The following POLD1 variants were observed in gnomAD, a reference collection of about 807,000 sequenced individuals.
POLD1 encodes the protein DNA polymerase delta catalytic subunit.
A neutral mutation model predicts 129.7 loss-of-function variants in POLD1; 79 were observed. The observed-to-expected ratio is 0.61, with a 90% CI of 0.51 to 0.73. POLD1 has a LOEUF of 0.73. POLD1 is among the 30% of genes least tolerant of loss of function. The pLI, the probability that POLD1 is intolerant of heterozygous loss-of-function variation, is 0.00. For missense variants in POLD1, 1,338 were observed against 1,595.8 expected (o/e 0.84, Z 2.75); for synonymous variants, 714 against 683.3 (o/e 1.04, Z -0.70).
intron 1 of POLD1, among the ~76,000 whole-genome samples, chr19:50,391,287 A>C (rs955786089): frequency 2.0e-5 from 3 of 152,116 alleles, no homozygotes; most frequent in African/African-American, 7.2e-5. Context: ...CTCACTTCCC[A>C]GACGGGGTGG....
Position 50,401,856 on chromosome 19 carries a change from ATGAGGGGTTCTCTGTCTGC to A in POLD1, c.398_416del (p.Glu133AlafsTer30). The A allele has an allele frequency of 6.2e-7, 1 of 1,613,912 alleles. No homozygotes were observed. On this transcript the variant is annotated frameshift_variant, in exon 4 of 27. Transcript: ENST00000440232. LOFTEE classifies it high-confidence loss of function. ...GTGCTCCGCGCCTTCGGGGTCACCG[ATGAGGGGTTCTCTGTCTGC>A]TGCCACATCCACGGCTTCGCTCCCT...
At chr19:50,388,281 C>T (rs2038036358) in intron 1 of POLD1, among the ~76,000 whole-genome samples, 1 of 152,106 alleles carries the variant, frequency 6.6e-6, no homozygotes, top group Non-Finnish European at 1.5e-5. Flanking sequence ...TACTAAATAC[C>T]ATTGAACTAT....
chr19:50,402,167 G>A (rs1166029659), intron 5 of POLD1, 38 bp from the exon 6 acceptor site: 16 of 1,590,796 alleles, frequency 1.0e-5, no homozygotes, highest in Non-Finnish European at 1.4e-5. Flanking sequence ...GGTCCCCTCG[G>A]GAGGCCATTG....
chr19:50,407,603 G>A (rs2038944070), intron 14 of POLD1, among the ~76,000 whole-genome samples, 188 bp downstream of exon 14: 1 of 151,378 alleles, frequency 6.6e-6, no homozygotes, highest in African/African-American at 2.4e-5. Flanking sequence ...CTGTCACCCA[G>A]GCTGGAGTGC....
chr19:50,412,053 G>A (rs1374426235), intron 17 of POLD1, among the ~76,000 whole-genome samples: 1 of 152,196 alleles, frequency 6.6e-6, no homozygotes, highest in Non-Finnish European at 1.5e-5. Context: ...AGGCTGAGAC[G>A]GGAAGATGGC....
Position 50,406,394 on chromosome 19 carries a change from C to A in POLD1, c.1384-13C>A, listed in dbSNP as rs536467012. ...CCCAGGCCCGCAGCCCACCAGCCCA[C>A]CCACCCACCTAGGTGCTGCTGCGGG... On this transcript the variant is annotated splice_polypyrimidine_tract_variant and intron_variant, in intron 11 of 26. Coordinates refer to ENST00000440232, the MANE Select transcript of POLD1 (RefSeq NM_002691.4). This position sits in a 1 kb window ranked among gnomAD's most constrained non-coding sequence, Gnocchi z 5.5. 1 of 1,606,896 alleles carries A rather than the reference C, an allele frequency of 6.2e-7. No individual in the cohort carries two copies. The highest frequency in any genetic ancestry group is 8.5e-7 in the Non-Finnish European group (1 of 1,176,302).
At chr19:50,405,410 C>G (rs1222596934) in intron 10 of POLD1, among the ~76,000 whole-genome samples, 1 of 152,168 alleles carries the variant, frequency 6.6e-6, no homozygotes. Context: ...CTGCTTTTCT[C>G]TATGTCTGGC....
At position 50,406,790 on chromosome 19, in the gene POLD1, T is replaced by C. The variant is rs998791423; in HGVS notation, c.1495-193T>C. The stretch of plus-strand genomic sequence containing the variant: ...TCAGGCTGCTCCCTCCTCCTCCCTC[T>C]GGCCCTGTGGACTCCCTGGCCCCCA... On this transcript the variant is annotated intron_variant, in intron 12 of 26. Transcript: ENST00000440232. This position sits in a 1 kb window ranked among gnomAD's most constrained non-coding sequence, Gnocchi z 5.5. Among the ~76,000 whole-genome samples the C allele has an allele frequency of 2.0e-5, 3 of 152,010 alleles. No individual in the cohort carries two copies. The highest frequency in any genetic ancestry group is 7.3e-5 in the African/African-American group (3 of 41,374).
rs1339832896 is a variant in POLD1, at chr19:50,406,116, C to T, written c.1243-66C>T. ...TAAGGATGTTGTGGTTGGTCTCAATCTCCGTTCTTCAGGCTTATGTGACGG... is the reference window on the plus strand; with the variant it reads ...TAAGGATGTTGTGGTTGGTCTCAATTTCCGTTCTTCAGGCTTATGTGACGG... On this transcript the variant is annotated intron_variant, in intron 10 of 26. Transcript: ENST00000440232. This position sits in a 1 kb window ranked among gnomAD's most constrained non-coding sequence, Gnocchi z 5.5. 3 of 1,567,608 alleles carry T rather than the reference C, an allele frequency of 1.9e-6. No individual in the cohort carries two copies. The highest frequency in any genetic ancestry group is 1.3e-5 in the African/African-American group (1 of 74,312).
intron 3 of POLD1, 119 bp downstream of exon 3, chr19:50,399,603 C>A (rs2038508857): frequency 1.4e-6 from 1 of 703,780 alleles, no homozygotes; most frequent in African/African-American, 1.8e-5. Context: ...GTCAGCCCCT[C>A]TGGCTCTGCC....
In POLD1 at chr19:50,415,497, G is replaced by A. The variant is rs754832710; in HGVS notation, c.2624G>A (p.Arg875His). 5.6e-6 allele frequency: 9 copies of A among 1,613,336 alleles called. No homozygotes were observed. Among genetic ancestry groups the A allele is most frequent in the Non-Finnish European group, 6.8e-6 (8 of 1,179,926 alleles). ...QDVISDLLCN[R>H]IDISQLVITK... ...GTCATCTCGGACCTGCTGTGCAACC[G>A]CATCGATATCTCCCAGCTGGTCATC... The change falls in exon 21 of 27, where the codon CGC becomes CAC. Residue 875 changes from arginine to histidine, a missense_variant. Coordinates refer to ENST00000440232, the MANE Select transcript of POLD1 (RefSeq NM_002691.4).
chr19:50,408,731 G>A, intron 14 of POLD1, 54 bp from the exon 15 acceptor site: 1 of 1,599,840 alleles, frequency 6.3e-7, no homozygotes, highest in Non-Finnish European at 8.5e-7. Context: ...ACAGGGCGGG[G>A]GCGGCATGGG....
In POLD1 at chr19:50,418,004, G is replaced by A. The variant is rs1601254767; in HGVS notation, c.*57G>A. On this transcript the variant is annotated 3_prime_UTR_variant, in exon 27 of 27. Transcript: ENST00000440232. This position sits in a 1 kb window ranked among gnomAD's most constrained non-coding sequence, Gnocchi z 6.0. ...ACCAGGGAGAATTAATAAAGTTCTG[G>A]ACTTTTGCTATATGGTGCTTTGTGG... 3.6e-6 allele frequency: 4 copies of A among 1,116,140 alleles called. No homozygotes were observed. The highest frequency in any genetic ancestry group is 4.0e-6 in the Non-Finnish European group (3 of 748,016). The allele number at this position is 1,116,140 out of a possible 1,614,324, so 69.1% of individuals were successfully genotyped here.
intron 19 of POLD1, among the ~76,000 whole-genome samples, chr19:50,414,365 G>A (rs749465210): frequency 1.3e-5 from 2 of 152,238 alleles, no homozygotes; most frequent in African/African-American, 2.4e-5. Context: ...CGATCCTCCC[G>A]CCTTGGCCTC....
At chr19:50,392,717 TC>T (rs1337837305) in intron 1 of POLD1, among the ~76,000 whole-genome samples, 1 of 152,172 alleles carries the variant, frequency 6.6e-6, no homozygotes, top group Non-Finnish European at 1.5e-5. Flanking sequence ...CCTCAAGTGA[TC>T]CACCCTCCTT....
In POLD1 at chr19:50,415,599, C is replaced by A. The variant is rs760140187; in HGVS notation, c.2717+9C>A. 2.5e-6 allele frequency: 4 copies of A among 1,608,314 alleles called. No homozygotes were observed. The highest frequency in any genetic ancestry group is 1.7e-4 in the Middle Eastern group (1 of 5,872). On this transcript the variant is annotated intron_variant, in intron 21 of 26. Transcript: ENST00000440232. The stretch of plus-strand genomic sequence containing the variant: ...GTGGAGCTGGCCGAGAGGTCCTGCG[C>A]GGGGCGGGTGGCCTGGCCAGAAATA...
Position 50,406,938 on chromosome 19 carries a change from C to T in POLD1, c.1495-45C>T. The T allele has an allele frequency of 7.0e-7, 1 of 1,432,794 alleles. No homozygotes were observed. The highest frequency in any genetic ancestry group is 9.5e-7 in the Non-Finnish European group (1 of 1,052,400). 88.8% of individuals were successfully genotyped at this position (1,432,794 alleles called of 1,614,324 possible). ...CACTTCCTTCTCCTGCTCCACCTCC[C>T]ACCCCCAACCCCTGGTCCCTGACCC... On this transcript the variant is annotated intron_variant, in intron 12 of 26. Transcript: ENST00000440232. The surrounding 1 kb of genome is among the most constrained non-coding windows in gnomAD (Gnocchi z 5.5).
In POLD1 at chr19:50,409,745, C is replaced by T. The variant is rs1304877834; in HGVS notation, c.2154+79C>T. 21 of 1,466,718 alleles carry T rather than the reference C, an allele frequency of 1.4e-5. No homozygotes were observed. The highest frequency in any genetic ancestry group is 4.0e-5 in the South Asian group (3 of 75,602). 90.9% of individuals were successfully genotyped at this position (1,466,718 alleles called of 1,614,324 possible). The stretch of plus-strand genomic sequence containing the variant: ...GGAGACCAGGGCTCCATGTGGGGGA[C>T]CTGTATCCAGAGGACTGGGCACCCC... On this transcript the variant is annotated intron_variant, in intron 17 of 26. Coordinates refer to ENST00000440232, the MANE Select transcript of POLD1 (RefSeq NM_002691.4). The surrounding 1 kb of genome is among the most constrained non-coding windows in gnomAD (Gnocchi z 5.8).
chr19:50,399,440 C>A lies in POLD1; in HGVS notation c.272C>A (p.Thr91Lys). 1 of 1,614,148 alleles carries A rather than the reference C, an allele frequency of 6.2e-7. No individual in the cohort carries two copies. The highest frequency in any genetic ancestry group is 1.1e-5 in the South Asian group (1 of 91,090). The change falls in exon 3 of 27, where the codon ACA becomes AAA. Residue 91 changes from threonine to lysine, a missense_variant. Physicochemically the swap from Thr to Lys is moderately conservative, Grantham distance 78. Coordinates refer to ENST00000440232, the MANE Select transcript of POLD1 (RefSeq NM_002691.4). ...RPTPPALDPQ[T>K]EPLIFQQLEI... ...ACACCACCAGCGCTGGACCCCCAGA[C>A]AGAGCCCCTCATCTTCCAACAGTTG...
Sources: gnomAD v4.1 joint callset for allele counts (sites outside exome capture counted in the v4.1 genomes callset) on GRCh38, gnomAD v4.1.1 for gene constraint, Gnocchi (gnomAD v3.1) non-coding constraint, MANE v1.5 for transcripts, NCBI Gene and HGNC (gene_info 2026-07-23, HGNC 2026-07-21) for gene names.